The following BCAN variants were observed in gnomAD, a reference collection of about 807,000 sequenced individuals.
The protein encoded by BCAN is brevican.
Under a neutral mutation model 92.4 loss-of-function variants are expected in BCAN, and 51 were observed. The observed-to-expected ratio is 0.55, with a 90% CI of 0.44 to 0.70. The LOEUF is 0.70. BCAN is among the 30% of genes least tolerant of loss of function. The pLI is 0.00. For missense variants in BCAN, 1,140 were observed against 1,212.1 expected (o/e 0.94, Z 0.88); for synonymous variants, 501 against 505.2 (o/e 0.99, Z 0.11).
chr1:156,648,920 A>T lies in BCAN; in HGVS notation c.1063+59A>T, dbSNP rs1571442176. On this transcript the variant is annotated intron_variant, in intron 6 of 13. Transcript: ENST00000329117. ...TCTCAGAAAGGCAGAGTTGAGTCCTAAAAGTCCTACCCCAGTCTGATCAGT... is the reference window on the plus strand; with the variant it reads ...TCTCAGAAAGGCAGAGTTGAGTCCTTAAAGTCCTACCCCAGTCTGATCAGT... The T allele has an allele frequency of 6.7e-6, 10 of 1,498,818 alleles. 1 individual carries two copies. In the South Asian group the frequency reaches 1.3e-4, roughly 19 times the overall value. 92.8% of individuals were successfully genotyped at this position (1,498,818 alleles called of 1,614,324 possible). A position where few individuals can be genotyped will look rare whatever the true frequency, so the allele number is the denominator to read the frequency against.
chr1:156,645,204 C>T (rs536183943), intron 1 of BCAN, among the ~76,000 whole-genome samples: 1 of 152,276 alleles, frequency 6.6e-6, no homozygotes, highest in Admixed American at 6.5e-5. Flanking sequence ...CAGCCCAAGG[C>T]TTTCACAAAA....
intron 8 of BCAN, among the ~76,000 whole-genome samples, chr1:156,653,898 T>TAACTGAGGG (rs1679256810): frequency 6.6e-6 from 1 of 152,120 alleles, no homozygotes; most frequent in South Asian, 2.1e-4. Flanking sequence ...AGGGTCATAG[T>TAACTGAGGG]AACTGAGGGA....
Position 156,642,991 on chromosome 1 carries a change from G to T in BCAN, c.-9+716G>T, listed in dbSNP as rs1268087341. On this transcript the variant is annotated intron_variant, in intron 1 of 13. Coordinates refer to ENST00000329117, the MANE Select transcript of BCAN (RefSeq NM_021948.5). The surrounding 1 kb of genome is among the most constrained non-coding windows in gnomAD (Gnocchi z 4.2). ...ATTGCATTCCTTCCTAGCACTGCCAGGGGCCTGGGAATTCCCTCTCCCAGG... is the reference window on the plus strand; with the variant it reads ...ATTGCATTCCTTCCTAGCACTGCCATGGGCCTGGGAATTCCCTCTCCCAGG... 1 of 152,202 alleles carries T rather than the reference G, an allele frequency of 6.6e-6. No homozygotes were observed. Among genetic ancestry groups the T allele is most frequent in the Admixed American group, 6.5e-5 (1 of 15,286 alleles). 9.4% of individuals were successfully genotyped at this position (152,202 alleles called of 1,614,324 possible). A position where few individuals can be genotyped will look rare whatever the true frequency, so the allele number is the denominator to read the frequency against.
At chr1:156,648,207 G>A (rs1027951069) in intron 5 of BCAN, 97 bp downstream of exon 5, 61 of 1,479,956 alleles carry the variant, frequency 4.1e-5, no homozygotes, top group Non-Finnish European at 5.6e-5. Flanking sequence ...TATCCCTCCT[G>A]AGTTTAAGGG....
intron 10 of BCAN, chr1:156,657,335 G>C (rs1211173468): frequency 4.8e-6 from 3 of 627,772 alleles, no homozygotes; most frequent in Non-Finnish European, 7.9e-6. Context: ...TGTGTGGGCC[G>C]GGCCGCCGTG....
At chr1:156,649,889 C>T (rs779935040) in intron 6 of BCAN, 10 of 518,876 alleles carry the variant, frequency 1.9e-5, no homozygotes, top group Non-Finnish European at 3.5e-5. Context: ...GGAGCAGACA[C>T]AGCCTTGAAC....
In BCAN at chr1:156,651,488, T is replaced by G. The variant is rs1275822138; in HGVS notation, c.1096T>G (p.Ser366Ala). Residue 366 changes from serine to alanine, a missense_variant, in exon 7 of 14, where the codon TCC (serine) becomes GCC (alanine). Physicochemically the swap from Ser to Ala is moderately conservative, Grantham distance 99. This residue lies in a region of BCAN where 825 missense variants were observed against 871.8 expected (regional missense o/e 0.95). Transcript: ENST00000329117. ...SAQPSAIPEA[S>A]NPASNPASDG... ...CCAGCCTTCTGCCATCCCTGAGGCC[T>G]CCAACCCAGCCTCCAACCCAGCCTC... 6.2e-7 allele frequency: 1 copy of G among 1,613,504 alleles called. No homozygotes were observed. The highest frequency in any genetic ancestry group is 8.5e-7 in the Non-Finnish European group (1 of 1,179,648).
chr1:156,652,709 A>G lies in BCAN; in HGVS notation c.1759A>G (p.Ser587Gly). The G allele has an allele frequency of 2.5e-6, 4 of 1,605,820 alleles. No homozygotes were observed. Among genetic ancestry groups the G allele is most frequent in the Non-Finnish European group, 3.4e-6 (4 of 1,174,650 alleles). ...VPRGESEETG[S>G]SEGAPSLLPA... ...TCGAGGAGAGAGCGAGGAGACAGGA[A>G]GCTCCGAGGGTGCCCCTTCCCTGCT... Residue 587 changes from serine (S) to glycine (G), a missense_variant, in exon 8 of 14, where the codon AGC (serine) becomes GGC (glycine). Ser to Gly is a moderately conservative substitution (Grantham distance 56). This residue lies in a region of BCAN where 825 missense variants were observed against 871.8 expected (regional missense o/e 0.95). Transcript: ENST00000329117.
Position 156,646,059 on chromosome 1 carries a change from C to T in BCAN, c.5C>T (p.Ala2Val). 1 of 1,612,760 alleles carries T rather than the reference C, an allele frequency of 6.2e-7. No individual in the cohort carries two copies. Among genetic ancestry groups the T allele is most frequent in the Non-Finnish European group, 8.5e-7 (1 of 1,178,908 alleles). Residue 2 changes from alanine to valine, a missense_variant, in exon 2 of 14, where the codon GCC (alanine) becomes GTC (valine). Around this residue, in one of 3 missense-constraint regions of BCAN, gnomAD observed 286 missense variants for 284.1 expected, o/e 1.01. Transcript: ENST00000329117. M[A>V]QLFLPLLAAL... ...GTCCCTCTGTCAGCCTGCAGCATGGCCCAGCTGTTCCTGCCCCTGCTGGCA... is the reference window on the plus strand; with the variant it reads ...GTCCCTCTGTCAGCCTGCAGCATGGTCCAGCTGTTCCTGCCCCTGCTGGCA...
At chr1:156,644,806 C>T (rs1312912441) in intron 1 of BCAN, 1 of 152,344 alleles carries the variant, frequency 6.6e-6, no homozygotes, top group African/African-American at 2.4e-5. Context: ...AGTGCACAGC[C>T]AGTGGAATAA....
At position 156,647,363 on chromosome 1, in the gene BCAN, C is replaced by A; in HGVS notation, c.467-145C>A. On this transcript the variant is annotated intron_variant, in intron 3 of 13. Coordinates refer to ENST00000329117, the MANE Select transcript of BCAN (RefSeq NM_021948.5). This position sits in a 1 kb window ranked among gnomAD's most constrained non-coding sequence, Gnocchi z 4.8. Reference sequence around the variant, plus strand: ...CTCTTCAGGTGGAGGACATTCTACCCACAATCTAACTTAAGTCCCTCATGC... The same window carrying A: ...CTCTTCAGGTGGAGGACATTCTACCAACAATCTAACTTAAGTCCCTCATGC... 1 of 1,107,244 alleles carries A rather than the reference C, an allele frequency of 9.0e-7. No homozygotes were observed. Among genetic ancestry groups the A allele is most frequent in the Non-Finnish European group, 1.3e-6 (1 of 788,956 alleles). 68.6% of individuals were successfully genotyped at this position (1,107,244 alleles called of 1,614,324 possible). A position where few individuals can be genotyped will look rare whatever the true frequency, so the allele number is the denominator to read the frequency against.
In BCAN at chr1:156,647,929, G is replaced by T; in HGVS notation, c.642-54G>T. ...GTGGGGTTCAATAGAATCAATATGG[G>T]CTGGCTCCCTGGTGAAAGCATCTGT... On this transcript the variant is annotated intron_variant, in intron 4 of 13. Coordinates refer to ENST00000329117, the MANE Select transcript of BCAN (RefSeq NM_021948.5). This position sits in a 1 kb window ranked among gnomAD's most constrained non-coding sequence, Gnocchi z 4.8. 2 of 1,607,790 alleles carry T rather than the reference G, an allele frequency of 1.2e-6. No homozygotes were observed. The highest frequency in any genetic ancestry group is 1.7e-6 in the Non-Finnish European group (2 of 1,174,666).
intron 9 of BCAN, 67 bp downstream of exon 9, chr1:156,656,456 G>C (rs1029964380): frequency 2.0e-5 from 24 of 1,204,840 alleles, no homozygotes; most frequent in African/African-American, 1.7e-4. Flanking sequence ...ACTTCTGGAG[G>C]GGGGAGGGAG....
At chr1:156,656,179 G>A in intron 8 of BCAN, 103 bp from the exon 9 acceptor site, 2 of 713,262 alleles carry the variant, frequency 2.8e-6, no homozygotes, top group East Asian at 3.1e-5. Flanking sequence ...TTCCAGGACA[G>A]AGAGACCAGG....
chr1:156,647,453 G>C lies in BCAN; in HGVS notation c.467-55G>C. On this transcript the variant is annotated intron_variant, in intron 3 of 13. Coordinates refer to ENST00000329117, the MANE Select transcript of BCAN (RefSeq NM_021948.5). The surrounding 1 kb of genome is among the most constrained non-coding windows in gnomAD (Gnocchi z 4.8). ...ACAGAGGAGTGACAAGGAGGGTGAG[G>C]GGAGGCCAGCGTGCTGGGTGCTCAC... 6.8e-7 allele frequency: 1 copy of C among 1,481,092 alleles called. No individual in the cohort carries two copies. The highest frequency in any genetic ancestry group is 9.1e-7 in the Non-Finnish European group (1 of 1,103,188). The allele number at this position is 1,481,092 out of a possible 1,614,324, so 91.7% of individuals were successfully genotyped here. A position where few individuals can be genotyped will look rare whatever the true frequency, so the allele number is the denominator to read the frequency against.
At chr1:156,657,384 C>G in intron 10 of BCAN, 1 of 557,214 alleles carries the variant, frequency 1.8e-6, no homozygotes, top group Non-Finnish European at 3.1e-6. Context: ...TCCCTGCTCT[C>G]CGACCTCCGT....
chr1:156,647,751 T>C lies in BCAN; in HGVS notation c.641+69T>C. On this transcript the variant is annotated intron_variant, in intron 4 of 13. Transcript: ENST00000329117. This position sits in a 1 kb window ranked among gnomAD's most constrained non-coding sequence, Gnocchi z 4.8. ...TGGCCATGGCCCCCCTTCTGCTGGGTGCTGCCTGCTGTGTCAGGCTGGACA... is the reference window on the plus strand; with the variant it reads ...TGGCCATGGCCCCCCTTCTGCTGGGCGCTGCCTGCTGTGTCAGGCTGGACA... The C allele has an allele frequency of 6.4e-7, 1 of 1,556,534 alleles. No homozygotes were observed. The highest frequency in any genetic ancestry group is 8.7e-7 in the Non-Finnish European group (1 of 1,144,568).
Position 156,648,562 on chromosome 1 carries a change from A to C in BCAN, c.770-6A>C. ...CTGATAACCCAGCCTTCTCTTCTCC[A>C]CCCAGGAGAACTGTTCCTGGGTGAC... On this transcript the variant is annotated splice_polypyrimidine_tract_variant and splice_region_variant and intron_variant, in intron 5 of 13. Transcript: ENST00000329117. The C allele has an allele frequency of 1.3e-6, 2 of 1,577,286 alleles. No homozygotes were observed. The highest frequency in any genetic ancestry group is 2.3e-5 in the East Asian group (1 of 43,984).
intron 6 of BCAN, among the ~76,000 whole-genome samples, chr1:156,651,100 T>G (rs1045762241): frequency 2.6e-5 from 4 of 152,236 alleles, no homozygotes; most frequent in African/African-American, 9.7e-5. Flanking sequence ...TCCAAAGTAG[T>G]ATTTTCCATC....
Sources: gnomAD v4.1 joint callset for allele counts (sites outside exome capture counted in the v4.1 genomes callset) on GRCh38, gnomAD v4.1.1 for gene constraint, gnomAD v4.1.1 regional missense constraint, Gnocchi (gnomAD v3.1) non-coding constraint, MANE v1.5 for transcripts, NCBI Gene and HGNC (gene_info 2026-07-23, HGNC 2026-07-21) for gene names.